Variants in PDE11A observed in about 807,000 individuals in gnomAD.
The protein encoded by PDE11A is dual 3',5'-cyclic-AMP and -GMP phosphodiesterase 11A.
PDE11A carries 100 observed loss-of-function variants against 100.5 expected under a neutral mutation model. The ratio of observed to expected loss-of-function variants is 1.00; its 90% CI spans 0.85 to 1.18. PDE11A has a LOEUF of 1.18. PDE11A is among the 50% of genes most tolerant of loss of function. The pLI, the probability that PDE11A is intolerant of heterozygous loss-of-function variation, is 0.00. For missense variants in PDE11A, 1,141 were observed against 1,152.6 expected (o/e 0.99, Z 0.15); for synonymous variants, 381 against 420.8 (o/e 0.91, Z 1.16).
chr2:177,707,576 G>GT (rs1340219720), intron 13 of PDE11A, among the ~76,000 whole-genome samples: 20 of 152,146 alleles, frequency 1.3e-4, no homozygotes, highest in Non-Finnish European at 2.8e-4. Flanking sequence ...TGGTTTTCTT[G>GT]TTTTTTTCAT....
At chr2:177,693,698 C>T (rs1175088994) in intron 15 of PDE11A, among the ~76,000 whole-genome samples, 1 of 152,158 alleles carries the variant, frequency 6.6e-6, no homozygotes, top group African/African-American at 2.4e-5. Context: ...CTTGATTCTT[C>T]CATTAGAGAG....
At chr2:177,965,965 TG>T (rs2085692658) in intron 2 of PDE11A, among the ~76,000 whole-genome samples, 1 of 152,162 alleles carries the variant, frequency 6.6e-6, no homozygotes, top group Admixed American at 6.5e-5. Flanking sequence ...GCCATTTTAA[TG>T]ATTGATTCTT....
intron 9 of PDE11A, among the ~76,000 whole-genome samples, chr2:177,781,150 A>G (rs2082448713): frequency 6.6e-6 from 1 of 152,230 alleles, no homozygotes; most frequent in Non-Finnish European, 1.5e-5. Context: ...TACTTGGCCT[A>G]ATTTCCATAT....
intron 9 of PDE11A, among the ~76,000 whole-genome samples, chr2:177,804,612 T>C (rs1203121473): frequency 6.6e-6 from 1 of 151,938 alleles, no homozygotes; most frequent in African/African-American, 2.4e-5. Context: ...ATAATAAAGA[T>C]ACCTGCACCC....
rs776462133 is a variant in PDE11A, at chr2:177,727,618, G to A, written c.2043+40C>T. On this transcript the variant is annotated intron_variant, in intron 12 of 19. Coordinates refer to ENST00000286063, the MANE Select transcript of PDE11A (RefSeq NM_016953.4). The stretch of plus-strand genomic sequence containing the variant: ...AAGGAGAAGGCCTGCCAGTTCCTAC[G>A]AATGAGAAATGATCTTCCACCATCA... 49 of 1,155,692 alleles carry A rather than the reference G, an allele frequency of 4.2e-5. No homozygotes were observed. The African/African-American group carries it at 5.0e-4, about 12-fold the overall frequency. 71.6% of individuals were successfully genotyped at this position (1,155,692 alleles called of 1,614,324 possible).
intron 6 of PDE11A, among the ~76,000 whole-genome samples, chr2:177,838,474 AT>A (rs1191970735): frequency 6.6e-6 from 1 of 152,234 alleles, no homozygotes; most frequent in Non-Finnish European, 1.5e-5. Flanking sequence ...ACTTTTTAGT[AT>A]TTAGTCTATC....
chr2:177,984,736 T>G (rs952620673), intron 2 of PDE11A, among the ~76,000 whole-genome samples: 3 of 152,256 alleles, frequency 2.0e-5, no homozygotes, highest in Admixed American at 1.3e-4. Context: ...TTAGGACTAA[T>G]GCTCTCTCTA....
chr2:177,676,197 TCATACGGAAC>T (rs1349219215), intron 16 of PDE11A: 5 of 159,332 alleles, frequency 3.1e-5, no homozygotes, highest in African/African-American at 1.2e-4. Context: ...TAACCATAAT[TCATACGGAAC>T]CATGGAAACA....
At chr2:177,962,856 CA>C (rs534119139) in intron 2 of PDE11A, among the ~76,000 whole-genome samples, 151 of 151,674 alleles carry the variant, frequency 1.0e-3, no homozygotes, top group African/African-American at 1.5e-3. Context: ...AAAAAAATCT[CA>C]AAAAAAATCT....
intron 2 of PDE11A, among the ~76,000 whole-genome samples, chr2:178,100,347 T>C (rs1294564013): frequency 1.3e-5 from 2 of 152,220 alleles, no homozygotes; most frequent in African/African-American, 4.8e-5. Flanking sequence ...ATCTTTAAAA[T>C]TGAGAATTTC....
intron 9 of PDE11A, among the ~76,000 whole-genome samples, chr2:177,787,443 T>G (rs1180357406): frequency 6.6e-6 from 1 of 151,330 alleles, no homozygotes; most frequent in African/African-American, 2.4e-5. Flanking sequence ...CATGCCAAAA[T>G]GTAAAGACCA....
chr2:177,972,814 A>G (rs1476253525), intron 2 of PDE11A, among the ~76,000 whole-genome samples: 1 of 152,196 alleles, frequency 6.6e-6, no homozygotes, highest in African/African-American at 2.4e-5. Context: ...TCTGTAACCA[A>G]TGAGCCAGTT....
intron 2 of PDE11A, among the ~76,000 whole-genome samples, chr2:178,089,101 T>A (rs1422867122): frequency 1.3e-5 from 2 of 152,152 alleles, no homozygotes; most frequent in Non-Finnish European, 2.9e-5. Flanking sequence ...CTACGATTGA[T>A]GTGAATAAGG....
Position 177,629,446 on chromosome 2 carries a change from G to T in PDE11A, c.2763C>A (p.Ser921=), listed in dbSNP as rs2079883374. ...CCTTGGCTACCATAACACTGGCAGG[G>T]GAGGATGAGGCAGTTGAGGCCAGCA... ...KRLLASTASS[S]PASVMVAKED... The change falls in exon 20 of 20, where the codon TCC becomes TCA. Residue 921 remains serine (S), a synonymous_variant. Coordinates refer to ENST00000286063, the MANE Select transcript of PDE11A (RefSeq NM_016953.4). 6.7e-7 allele frequency: 1 copy of T among 1,489,942 alleles called. No homozygotes were observed. Among genetic ancestry groups the T allele is most frequent in the South Asian group, 1.2e-5 (1 of 86,758 alleles). 92.3% of individuals were successfully genotyped at this position (1,489,942 alleles called of 1,614,324 possible). A position where few individuals can be genotyped will look rare whatever the true frequency, so the allele number is the denominator to read the frequency against.
At chr2:177,655,170 T>C (rs2080362935) in intron 19 of PDE11A, among the ~76,000 whole-genome samples, 1 of 152,220 alleles carries the variant, frequency 6.6e-6, no homozygotes, top group Non-Finnish European at 1.5e-5. Flanking sequence ...TTCCAGCATT[T>C]TAATATGGAT....
chr2:178,079,379 A>G (rs2087255465), intron 2 of PDE11A, among the ~76,000 whole-genome samples: 1 of 151,592 alleles, frequency 6.6e-6, no homozygotes, highest in Non-Finnish European at 1.5e-5. Flanking sequence ...CTTGTAAGTG[A>G]GAACATGTGG....
intron 1 of PDE11A, among the ~76,000 whole-genome samples, chr2:178,051,692 A>C (rs1211877174): frequency 1.3e-5 from 2 of 152,174 alleles, no homozygotes; most frequent in South Asian, 2.1e-4. Context: ...ACAACGACAA[A>C]AAAAAGCAGG....
chr2:178,011,409 T>C (rs771423391), intron 2 of PDE11A, among the ~76,000 whole-genome samples: 1 of 152,166 alleles, frequency 6.6e-6, no homozygotes, highest in Admixed American at 6.6e-5. Flanking sequence ...TCCATTTGTA[T>C]ACCCAATCTC....
chr2:177,864,373 T>C (rs2105675553), intron 5 of PDE11A, among the ~76,000 whole-genome samples: 1 of 152,198 alleles, frequency 6.6e-6, no homozygotes, highest in East Asian at 1.9e-4. Context: ...AACAAAGAAA[T>C]GGGCAACTGT....
Sources: gnomAD v4.1 joint callset for allele counts (sites outside exome capture counted in the v4.1 genomes callset) on GRCh38, gnomAD v4.1.1 for gene constraint, MANE v1.5 for transcripts, NCBI Gene and HGNC (gene_info 2026-07-23, HGNC 2026-07-21) for gene names.